The following LRMDA variants were observed in gnomAD, a reference collection of about 807,000 sequenced individuals.
The protein encoded by LRMDA is leucine-rich melanocyte differentiation-associated protein.
Under a neutral mutation model 29.8 loss-of-function variants are expected in LRMDA, and 18 were observed. The observed-to-expected ratio is 0.60, with a 90% confidence interval of 0.42 to 0.90. The LOEUF is 0.90. Ranked by LOEUF, LRMDA falls within the 40% of genes least tolerant of loss-of-function variation. The probability of loss-of-function intolerance (pLI) is 0.00; values close to 1 mark genes in which losing one functional copy is unlikely to be tolerated. For missense variants in LRMDA, 273 were observed against 273.9 expected (o/e 1.00, Z 0.02); for synonymous variants, 125 against 109.4 (o/e 1.14, Z -0.89).
chr10:75,555,400 C>T (rs76640181), intron 2 of LRMDA, among the ~76,000 whole-genome samples: 91 of 152,244 alleles, frequency 6.0e-4, no homozygotes, highest in African/African-American at 2.2e-3. Context: ...ACAACCTTAG[C>T]TGCTGGAAGG....
intron 2 of LRMDA, among the ~76,000 whole-genome samples, chr10:75,977,536 C>T (rs1408561369): frequency 6.6e-6 from 1 of 152,196 alleles, no homozygotes; most frequent in African/African-American, 2.4e-5. Flanking sequence ...TTTTTTTCCA[C>T]ACGCAAAATA....
chr10:76,269,678 A>G (rs557666583), intron 5 of LRMDA, among the ~76,000 whole-genome samples: 24 of 152,230 alleles, frequency 1.6e-4, no homozygotes, highest in South Asian at 6.2e-4. Context: ...ATTTAATAAT[A>G]GCAGTAACAA....
chr10:76,091,315 G>GTGTC (rs1564650365), intron 5 of LRMDA, among the ~76,000 whole-genome samples: 4 of 128,078 alleles, frequency 3.1e-5, no homozygotes, highest in Admixed American at 1.5e-4. Flanking sequence ...GTGTGTGTGT[G>GTGTC]TGTCTGTGTG....
intron 6 of LRMDA, among the ~76,000 whole-genome samples, chr10:76,340,374 G>T: frequency 6.6e-6 from 1 of 151,836 alleles, no homozygotes; most frequent in East Asian, 2.0e-4. Flanking sequence ...AAAATAGCTG[G>T]GCATGGTGAT....
chr10:75,578,464 A>AC (rs1840540193), intron 2 of LRMDA, among the ~76,000 whole-genome samples: 1 of 152,062 alleles, frequency 6.6e-6, no homozygotes, highest in Non-Finnish European at 1.5e-5. Context: ...GGAGACTTTA[A>AC]CACCCCACTG....
chr10:76,150,025 A>G (rs1449445941), intron 5 of LRMDA, among the ~76,000 whole-genome samples: 2 of 152,180 alleles, frequency 1.3e-5, no homozygotes, highest in African/African-American at 4.8e-5. Context: ...GCTCATCTCT[A>G]GCCAGAAGCT....
chr10:76,261,741 CAT>C (rs1343821178), intron 5 of LRMDA, among the ~76,000 whole-genome samples: 1 of 152,174 alleles, frequency 6.6e-6, no homozygotes, highest in Admixed American at 6.5e-5. Context: ...TTGAAAGTCA[CAT>C]GTGCAAACAT....
At chr10:75,766,490 G>A (rs919584951) in intron 2 of LRMDA, among the ~76,000 whole-genome samples, 14 of 152,174 alleles carry the variant, frequency 9.2e-5, no homozygotes, top group African/African-American at 7.2e-5. Context: ...TTCCACTGAG[G>A]TGGGCAATGA....
At chr10:75,933,248 G>C (rs1846233928) in intron 2 of LRMDA, among the ~76,000 whole-genome samples, 1 of 152,158 alleles carries the variant, frequency 6.6e-6, no homozygotes, top group African/African-American at 2.4e-5. Context: ...GAGGATGCTA[G>C]AGGAGATTGG....
intron 6 of LRMDA, among the ~76,000 whole-genome samples, chr10:76,473,737 A>G (rs1197287586): frequency 6.6e-6 from 1 of 151,790 alleles, no homozygotes; most frequent in Non-Finnish European, 1.5e-5. Context: ...AAACAATTCC[A>G]TTTATAATAG....
intron 2 of LRMDA, among the ~76,000 whole-genome samples, chr10:75,459,254 A>G (rs1482055296): frequency 6.6e-6 from 1 of 152,166 alleles, no homozygotes; most frequent in Non-Finnish European, 1.5e-5. Flanking sequence ...GGCTGAACAT[A>G]GTAAGATCTT....
intron 2 of LRMDA, among the ~76,000 whole-genome samples, chr10:75,821,771 AAAACAAAC>A (rs71024572): frequency 7.4e-5 from 11 of 149,244 alleles, no homozygotes. Context: ...TCCATCTCAA[AAAACAAAC>A]AAACAAACAA....
At chr10:76,279,598 T>C (rs924394509) in intron 5 of LRMDA, among the ~76,000 whole-genome samples, 3 of 139,022 alleles carry the variant, frequency 2.2e-5, no homozygotes. Flanking sequence ...CAGGCTGGAG[T>C]GCAATGGCAC....
chr10:76,330,273 G>T (rs1488461868), intron 6 of LRMDA, among the ~76,000 whole-genome samples: 3 of 152,110 alleles, frequency 2.0e-5, no homozygotes, highest in African/African-American at 7.2e-5. Context: ...GAGATGGGGG[G>T]GCCTTTAGAA....
chr10:76,284,575 CA>C (rs1840247350), intron 5 of LRMDA, among the ~76,000 whole-genome samples: 1 of 152,158 alleles, frequency 6.6e-6, no homozygotes, highest in South Asian at 2.1e-4. Flanking sequence ...TTCTGTCTTG[CA>C]AATTCCAACC....
At chr10:76,468,351 G>A (rs1346989768) in intron 6 of LRMDA, among the ~76,000 whole-genome samples, 1 of 152,212 alleles carries the variant, frequency 6.6e-6, no homozygotes, top group African/African-American at 2.4e-5. Flanking sequence ...GAGCAAGACT[G>A]TTCTGGAACA....
intron 6 of LRMDA, among the ~76,000 whole-genome samples, chr10:76,459,296 G>C (rs1241806588): frequency 2.0e-5 from 3 of 152,274 alleles, no homozygotes; most frequent in East Asian, 3.9e-4. Context: ...CCCAGAGATT[G>C]ATAGCCTGTT....
chr10:75,535,145 T>C (rs1264256383), intron 2 of LRMDA, among the ~76,000 whole-genome samples: 1 of 152,200 alleles, frequency 6.6e-6, no homozygotes, highest in African/African-American at 2.4e-5. Flanking sequence ...TTCATTGTCA[T>C]GGATTTTTTG....
chr10:76,449,432 A>G (rs1367050726), intron 6 of LRMDA, among the ~76,000 whole-genome samples: 1 of 151,772 alleles, frequency 6.6e-6, no homozygotes, highest in African/African-American at 2.4e-5. Context: ...TGACTTATAT[A>G]TTGTTGCTAT....
Sources: allele counts gnomAD v4.1 joint callset (sites outside exome capture counted in the v4.1 genomes callset), GRCh38; gene constraint gnomAD v4.1.1; transcripts MANE v1.5; gene names NCBI Gene and HGNC (gene_info 2026-07-23, HGNC 2026-07-21).